Variants in CPEB1 observed in about 807,000 individuals in gnomAD.
CPEB1 encodes the protein cytoplasmic polyadenylation element-binding protein 1.
CPEB1 carries 7 observed loss-of-function variants against 65.8 expected under a neutral mutation model. That is an observed-to-expected ratio of 0.11 (90% CI 0.06 to 0.20). The LOEUF (loss-of-function observed/expected upper bound fraction) is 0.20, where lower values mean the gene tolerates loss of function less well. CPEB1 is among the 10% of genes least tolerant of loss of function. The pLI is 1.00. For synonymous variants in CPEB1, 262 were observed against 260.0 expected, an observed-to-expected ratio of 1.01 and a Z score of -0.08; for missense variants, 551 against 712.2, an observed-to-expected ratio of 0.77 and a Z score of 2.58.
chr15:82,550,590 G>A (rs803686), intron 9 of CPEB1, among the ~76,000 whole-genome samples: 39,401 of 152,052 alleles, frequency 0.26, 5,487 homozygotes, highest in South Asian at 0.41. Context: ...GTTACAAGAG[G>A]GGAGCCAATT....
intron 3 of CPEB1, among the ~76,000 whole-genome samples, chr15:82,593,235 T>A (rs1479542252): frequency 1.3e-5 from 2 of 152,230 alleles, no homozygotes; most frequent in African/African-American, 4.8e-5. Flanking sequence ...ACATTTTACC[T>A]ACCATAGGAG....
chr15:82,563,884 CT>C (rs2038663415), intron 4 of CPEB1, among the ~76,000 whole-genome samples: 1 of 151,626 alleles, frequency 6.6e-6, no homozygotes, highest in Non-Finnish European at 1.5e-5. Flanking sequence ...CTTTCTTTGC[CT>C]CTTTCAAGGT....
chr15:82,646,332 C>A (rs1031886583), intron 1 of CPEB1, among the ~76,000 whole-genome samples: 1 of 152,216 alleles, frequency 6.6e-6, no homozygotes, highest in African/African-American at 2.4e-5. Flanking sequence ...ACCAACGACA[C>A]AGCCCAGTAG....
Position 82,552,505 on chromosome 15 carries a change from G to GAC in CPEB1, c.1254_1255dup (p.Ser419CysfsTer13). ...CTCCTTGCAGCGCATCCTTCGGCTG[G>GAC]ACATCTTGAAATAATATTCACTCAG... On this transcript the variant is annotated frameshift_variant, in exon 9 of 13. Coordinates refer to ENST00000684509, the MANE Select transcript of CPEB1 (RefSeq NM_001365242.1). LOFTEE classifies it high-confidence loss of function. 1 of 1,595,942 alleles carries GAC rather than the reference G, an allele frequency of 6.3e-7. No individual in the cohort carries two copies.
At chr15:82,564,263 G>A (rs2038736356) in intron 4 of CPEB1, among the ~76,000 whole-genome samples, 1 of 151,808 alleles carries the variant, frequency 6.6e-6, no homozygotes, top group Non-Finnish European at 1.5e-5. Flanking sequence ...TCAATTTAAG[G>A]ACACAATGGT....
At chr15:82,555,799 G>T in intron 6 of CPEB1, 71 bp downstream of exon 6, 1 of 1,534,810 alleles carries the variant, frequency 6.5e-7, no homozygotes, top group South Asian at 1.2e-5. Context: ...ACAAGTGTGT[G>T]AACTAAGGTC....
intron 1 of CPEB1, among the ~76,000 whole-genome samples, chr15:82,643,614 G>A (rs2047270769): frequency 1.3e-5 from 2 of 149,982 alleles, no homozygotes; most frequent in Non-Finnish European, 1.5e-5. Flanking sequence ...GGGCAACAGA[G>A]TCTCCATCTC....
intron 3 of CPEB1, among the ~76,000 whole-genome samples, chr15:82,594,531 CT>C (rs1217187556): frequency 3.3e-5 from 5 of 152,170 alleles, no homozygotes; most frequent in African/African-American, 4.8e-5. Context: ...CTGATCTGAT[CT>C]TCTATCTCGA....
intron 8 of CPEB1, among the ~76,000 whole-genome samples, chr15:82,553,161 A>G (rs986723753): frequency 2.6e-5 from 4 of 152,140 alleles, no homozygotes; most frequent in African/African-American, 9.7e-5. Context: ...AGCTTTTCAA[A>G]CGCCTTATTT....
chr15:82,639,230 G>A (rs756964937), intron 1 of CPEB1, among the ~76,000 whole-genome samples: 4 of 152,214 alleles, frequency 2.6e-5, no homozygotes, highest in Non-Finnish European at 5.9e-5. Context: ...TTATTCTGTT[G>A]TGTGTTCCCT....
intron 1 of CPEB1, among the ~76,000 whole-genome samples, chr15:82,630,639 G>A (rs768672814): frequency 6.6e-6 from 1 of 151,750 alleles, no homozygotes; most frequent in African/African-American, 2.4e-5. Flanking sequence ...ACTAAGACCC[G>A]ATCCTGTAAA....
intron 1 of CPEB1, among the ~76,000 whole-genome samples, chr15:82,639,739 A>C (rs2151378606): frequency 2.0e-5 from 3 of 152,224 alleles, no homozygotes; most frequent in Middle Eastern, 6.8e-3. Context: ...CAAAGGAACA[A>C]ACAATATGGT....
At chr15:82,545,595 G>A (rs139233730) in intron 12 of CPEB1, among the ~76,000 whole-genome samples, 1 of 152,076 alleles carries the variant, frequency 6.6e-6, no homozygotes, top group Non-Finnish European at 1.5e-5. Flanking sequence ...ATCCTCAGGT[G>A]ATGTGTCTGT....
At chr15:82,598,306 C>G (rs946272494) in intron 3 of CPEB1, among the ~76,000 whole-genome samples, 7 of 151,330 alleles carry the variant, frequency 4.6e-5, no homozygotes, top group African/African-American at 1.7e-4. Context: ...CTAGCCTGGC[C>G]AACATGGTGA....
intron 3 of CPEB1, among the ~76,000 whole-genome samples, chr15:82,609,005 CAAAAG>C (rs999780811): frequency 1.1e-4 from 17 of 151,978 alleles, no homozygotes; most frequent in Non-Finnish European, 1.9e-4. Context: ...TCTGCAACCA[CAAAAG>C]AACAGAATTA....
chr15:82,603,032 G>GT (rs2043254605), intron 3 of CPEB1, among the ~76,000 whole-genome samples: 1 of 152,122 alleles, frequency 6.6e-6, no homozygotes, highest in Admixed American at 6.5e-5. Context: ...AATCTGGGGA[G>GT]TATTTGTTTA....
chr15:82,584,101 T>G (rs148514077), intron 3 of CPEB1, among the ~76,000 whole-genome samples: 10 of 151,294 alleles, frequency 6.6e-5, no homozygotes, highest in Non-Finnish European at 1.5e-4. Flanking sequence ...CTATTAAAAA[T>G]ACAAAAAATT....
chr15:82,641,037 G>A (rs2047066837), intron 1 of CPEB1, among the ~76,000 whole-genome samples: 1 of 152,154 alleles, frequency 6.6e-6, no homozygotes, highest in Non-Finnish European at 1.5e-5. Context: ...GAAAACGTGG[G>A]TTCAAGTTCT....
intron 3 of CPEB1, among the ~76,000 whole-genome samples, chr15:82,617,709 A>T (rs963783123): frequency 7.2e-6 from 1 of 138,602 alleles, no homozygotes; most frequent in Admixed American, 7.1e-5. Flanking sequence ...ATTAATTGTT[A>T]TTAATTCTAT....
Sources: gnomAD v4.1 joint callset for allele counts (sites outside exome capture counted in the v4.1 genomes callset) on GRCh38, gnomAD v4.1.1 for gene constraint, MANE v1.5 for transcripts, NCBI Gene and HGNC (gene_info 2026-07-23, HGNC 2026-07-21) for gene names.